Variants in ZBTB7C observed in about 807,000 individuals in gnomAD.
The protein encoded by ZBTB7C is zinc finger and BTB domain containing 7C.
Under a neutral mutation model 25.7 loss-of-function variants are expected in ZBTB7C, and 8 were observed. That is an observed-to-expected ratio of 0.31 (90% CI 0.18 to 0.56). The LOEUF (loss-of-function observed/expected upper bound fraction) is 0.56. Ranked by LOEUF, ZBTB7C falls within the 20% of genes least tolerant of loss-of-function variation. The probability of loss-of-function intolerance (pLI) is 0.91; values close to 1 mark genes in which losing one functional copy is unlikely to be tolerated. For synonymous variants in ZBTB7C, 394 were observed against 369.0 expected (o/e 1.07, Z -0.78); for missense variants, 824 against 855.2 (o/e 0.96, Z 0.46).
chr18:48,056,822 A>G (rs2036931635), intron 3 of ZBTB7C, among the ~76,000 whole-genome samples: 1 of 152,146 alleles, frequency 6.6e-6, no homozygotes, highest in Non-Finnish European at 1.5e-5. Flanking sequence ...TGCAAAGGAA[A>G]AATATTTTGC....
intron 2 of ZBTB7C, among the ~76,000 whole-genome samples, chr18:48,217,237 A>G (rs929921173): frequency 6.6e-6 from 1 of 152,200 alleles, no homozygotes; most frequent in Non-Finnish European, 1.5e-5. Flanking sequence ...CAGCCTGAGC[A>G]AACGAAAACA....
intron 1 of ZBTB7C, among the ~76,000 whole-genome samples, chr18:48,339,174 C>T (rs1008117151): frequency 1.4e-4 from 21 of 152,376 alleles, no homozygotes; most frequent in African/African-American, 4.8e-4. Flanking sequence ...TCCAAGGTGG[C>T]TACAGCCCTG....
At chr18:48,038,196 T>C (rs2036058759) in intron 4 of ZBTB7C, among the ~76,000 whole-genome samples, 1 of 152,072 alleles carries the variant, frequency 6.6e-6, no homozygotes, top group Admixed American at 6.5e-5. Flanking sequence ...GGCGCCCTGC[T>C]GTCAGCATTG....
chr18:48,387,270 G>T (rs1250446041), intron 1 of ZBTB7C, among the ~76,000 whole-genome samples: 2 of 152,274 alleles, frequency 1.3e-5, no homozygotes, highest in African/African-American at 2.4e-5. Flanking sequence ...AGGGTTTTTT[G>T]GTAGAAAGGT....
intron 1 of ZBTB7C, among the ~76,000 whole-genome samples, chr18:48,382,599 C>G (rs2047657652): frequency 6.6e-6 from 1 of 152,208 alleles, no homozygotes; most frequent in South Asian, 2.1e-4. Flanking sequence ...TTTTCTCAGT[C>G]AACTCTGTAT....
intron 1 of ZBTB7C, among the ~76,000 whole-genome samples, chr18:48,367,675 C>T (rs2047277769): frequency 6.6e-6 from 1 of 152,016 alleles, no homozygotes; most frequent in African/African-American, 2.4e-5. Flanking sequence ...GCCCACCCTC[C>T]CCATGTCAGC....
intron 3 of ZBTB7C, chr18:48,185,211 C>A (rs1046820980): frequency 1.8e-5 from 6 of 342,336 alleles, no homozygotes; most frequent in Admixed American, 1.6e-4. Context: ...GGAATGGCCT[C>A]CCTCCTCCAT....
intron 2 of ZBTB7C, among the ~76,000 whole-genome samples, chr18:48,293,800 T>TA (rs1337712516): frequency 6.6e-6 from 1 of 152,106 alleles, no homozygotes; most frequent in Non-Finnish European, 1.5e-5. Flanking sequence ...AAAATATAAA[T>TA]AAAGACAGGG....
At chr18:48,346,206 C>T (rs1055226436) in intron 1 of ZBTB7C, among the ~76,000 whole-genome samples, 31 of 152,190 alleles carry the variant, frequency 2.0e-4, no homozygotes, top group African/African-American at 6.8e-4. Flanking sequence ...GTACTTTCTG[C>T]CCCAGCTTCA....
chr18:48,395,090 C>T (rs747272604), intron 1 of ZBTB7C, among the ~76,000 whole-genome samples: 1 of 151,740 alleles, frequency 6.6e-6, no homozygotes, highest in Non-Finnish European at 1.5e-5. Context: ...GGGAAGAGTG[C>T]CTGCTGATTC....
intron 1 of ZBTB7C, among the ~76,000 whole-genome samples, chr18:48,384,004 T>C (rs2047691179): frequency 6.6e-6 from 1 of 152,218 alleles, no homozygotes; most frequent in African/African-American, 2.4e-5. Context: ...GCTTGGTTAT[T>C]TGTGCATTGC....
intron 1 of ZBTB7C, among the ~76,000 whole-genome samples, chr18:48,404,454 C>T (rs1194086274): frequency 1.3e-5 from 2 of 152,130 alleles, no homozygotes; most frequent in African/African-American, 2.4e-5. Context: ...GACCAGATCC[C>T]GCATGCCCAC....
intron 2 of ZBTB7C, among the ~76,000 whole-genome samples, chr18:48,211,989 A>G (rs2042713189): frequency 6.6e-6 from 1 of 152,220 alleles, no homozygotes; most frequent in South Asian, 2.1e-4. Context: ...ACATAGAGAC[A>G]TGCTAAAAAG....
intron 1 of ZBTB7C, among the ~76,000 whole-genome samples, chr18:48,362,961 C>T (rs2047143579): frequency 6.6e-6 from 1 of 152,226 alleles, no homozygotes; most frequent in Admixed American, 6.5e-5. Context: ...GACACGCACA[C>T]AGCAAACAGG....
At chr18:48,097,382 G>GTTGTTATTACTA (rs10651143) in intron 3 of ZBTB7C, among the ~76,000 whole-genome samples, 1 of 144,968 alleles carries the variant, frequency 6.9e-6, no homozygotes, top group Non-Finnish European at 1.5e-5. Context: ...TATTGTTGTT[G>GTTGTTATTACTA]TTATTATTAT....
intron 3 of ZBTB7C, among the ~76,000 whole-genome samples, chr18:48,111,736 C>T (rs1004749434): frequency 4.6e-5 from 7 of 152,156 alleles, no homozygotes; most frequent in Admixed American, 1.3e-4. Context: ...TTATTAAAGA[C>T]CAACCTTCTC....
intron 1 of ZBTB7C, among the ~76,000 whole-genome samples, chr18:48,351,656 C>A (rs926341177): frequency 1.3e-5 from 2 of 152,192 alleles, no homozygotes; most frequent in African/African-American, 2.4e-5. Flanking sequence ...CTTGAAGGAG[C>A]CTTTTATGTG....
chr18:48,355,517 G>T (rs1359518102), intron 1 of ZBTB7C, among the ~76,000 whole-genome samples: 2 of 152,092 alleles, frequency 1.3e-5, no homozygotes, highest in East Asian at 3.9e-4. Flanking sequence ...CCCCTCCTAG[G>T]AACCCCACTT....
At chr18:48,341,735 T>C (rs140627059) in intron 1 of ZBTB7C, among the ~76,000 whole-genome samples, 496 of 152,348 alleles carry the variant, frequency 3.3e-3, no homozygotes, top group Non-Finnish European at 3.5e-3. Context: ...CCCATCATCA[T>C]GCACTGCCAT....
Sources: allele counts gnomAD v4.1 joint callset (sites outside exome capture counted in the v4.1 genomes callset), GRCh38; gene constraint gnomAD v4.1.1; transcripts MANE v1.5; gene names NCBI Gene and HGNC (gene_info 2026-07-23, HGNC 2026-07-21).